CELF2: variants seen among roughly 807,000 people sequenced by gnomAD.
CELF2 encodes CUG triplet repeat RNA-binding protein 2.
CELF2 carries 8 observed loss-of-function variants against 62.6 expected under a neutral mutation model. The ratio of observed to expected loss-of-function variants is 0.13; its 90% CI spans 0.07 to 0.23. The LOEUF (loss-of-function observed/expected upper bound fraction) is 0.23. Among genes scored for constraint, CELF2 ranks in the 10% least tolerant of loss-of-function variants. The pLI, the probability that CELF2 is intolerant of heterozygous loss-of-function variation, is 1.00. For missense variants in CELF2, 333 were observed against 671.0 expected (o/e 0.50, Z 5.56); for synonymous variants, 258 against 250.0 (o/e 1.03, Z -0.30).
At chr10:10,771,694 A>G in the CELF2 span, among the ~76,000 whole-genome samples, 1 of 152,198 alleles carries the variant, frequency 6.6e-6, no homozygotes. Flanking sequence ...TGCCATCCAC[A>G]TAAGAAGGGA....
chr10:10,714,962 T>C, the CELF2 span, among the ~76,000 whole-genome samples: 2 of 152,148 alleles, frequency 1.3e-5, no homozygotes, highest in East Asian at 3.9e-4. Flanking sequence ...CATCGCAGGG[T>C]GACTTTATTA....
chr10:11,280,865 C>A lies in CELF2; in HGVS notation c.841+5745C>A, dbSNP rs1239743195. ...CTGAAGGGCTGCTCTCTAGGGCTTCCTGGCGCCAGCCTCCACTGGGTCCTT... is the reference window on the plus strand; with the variant it reads ...CTGAAGGGCTGCTCTCTAGGGCTTCATGGCGCCAGCCTCCACTGGGTCCTT... On this transcript the variant is annotated intron_variant, in intron 8 of 12. Coordinates refer to ENST00000633077, the MANE Select transcript of CELF2 (RefSeq NM_001326342.2). This position sits in a 1 kb window ranked among gnomAD's most constrained non-coding sequence, Gnocchi z 7.6. 6.6e-6 allele frequency among the ~76,000 whole-genome samples: 1 copy of A among 152,174 alleles called. No individual in the cohort carries two copies. The highest frequency in any genetic ancestry group is 2.4e-5 in the African/African-American group (1 of 41,438).
the CELF2 span, among the ~76,000 whole-genome samples, chr10:10,547,692 A>AGAGAGAGAGTGTGTGT: frequency 4.3e-5 from 6 of 138,112 alleles, no homozygotes; most frequent in African/African-American, 1.1e-4. Context: ...AGAGAGAGAG[A>AGAGAGAGAGTGTGTGT]GTGTGTGTGT....
At chr10:10,503,392 T>C in the CELF2 span, among the ~76,000 whole-genome samples, 190 of 152,090 alleles carry the variant, frequency 1.2e-3, no homozygotes, top group Middle Eastern at 0.02. Context: ...GCTTCACATA[T>C]TTTGCAACCC....
Position 11,199,911 on chromosome 10 carries a change from C to A in CELF2, c.272-17514C>A, listed in dbSNP as rs115596431. Among the ~76,000 whole-genome samples, 1,278 of 152,214 alleles carry A rather than the reference C, an allele frequency of 8.4e-3. 10 individuals are homozygous for A. The highest frequency in any genetic ancestry group is 0.029 in the African/African-American group (1,214 of 41,538). On this transcript the variant is annotated intron_variant, in intron 2 of 12. Coordinates refer to ENST00000633077, the MANE Select transcript of CELF2 (RefSeq NM_001326342.2). ...TAATTGGATGGCCTGAATTTCTCAC[C>A]CGGGAGTTTTCCAGAGCAGTTAACA...
the CELF2 span, among the ~76,000 whole-genome samples, chr10:10,527,766 C>T: frequency 6.6e-6 from 1 of 152,206 alleles, no homozygotes; most frequent in Non-Finnish European, 1.5e-5. Flanking sequence ...AGTTGTTCTC[C>T]TCTGGGGCTT....
At chr10:10,896,377 G>A (rs1373513455) in intron 1 of CELF2, among the ~76,000 whole-genome samples, 1 of 151,976 alleles carries the variant, frequency 6.6e-6, no homozygotes, top group Non-Finnish European at 1.5e-5. Flanking sequence ...AAAAAGGAAA[G>A]GATAAAAAAA....
the CELF2 span, among the ~76,000 whole-genome samples, chr10:10,714,282 C>A: frequency 6.6e-6 from 1 of 152,102 alleles, no homozygotes; most frequent in African/African-American, 2.4e-5. Flanking sequence ...ATTGCATGGT[C>A]GTTGCCAACA....
the CELF2 span, among the ~76,000 whole-genome samples, chr10:10,487,004 C>T: frequency 6.6e-6 from 1 of 152,106 alleles, no homozygotes; most frequent in East Asian, 1.9e-4. Flanking sequence ...CCCTGTCCAT[C>T]GTATATGCCT....
At chr10:10,504,080 G>T in the CELF2 span, among the ~76,000 whole-genome samples, 9 of 152,050 alleles carry the variant, frequency 5.9e-5, no homozygotes, top group East Asian at 1.7e-3. Flanking sequence ...TATACATTTA[G>T]ATACACATAA....
intron 1 of CELF2, among the ~76,000 whole-genome samples, chr10:10,832,113 C>G (rs1377794185): frequency 6.6e-6 from 1 of 151,360 alleles, no homozygotes; most frequent in Non-Finnish European, 1.5e-5. Context: ...ACTAAAAATA[C>G]AAAAATTAGC....
the CELF2 span, among the ~76,000 whole-genome samples, chr10:10,694,924 T>A: frequency 6.6e-6 from 1 of 151,038 alleles, no homozygotes; most frequent in Non-Finnish European, 1.5e-5. Context: ...ATGAGATGGG[T>A]TTCCTGAATA....
chr10:10,696,111 T>C, the CELF2 span, among the ~76,000 whole-genome samples: 1 of 152,100 alleles, frequency 6.6e-6, no homozygotes. Flanking sequence ...AGTTTTTCTG[T>C]TCTGTTTTTT....
chr10:10,683,093 G>A, the CELF2 span, among the ~76,000 whole-genome samples: 1 of 152,110 alleles, frequency 6.6e-6, no homozygotes, highest in Non-Finnish European at 1.5e-5. Flanking sequence ...TAATTAATTT[G>A]CCCTCTTAAA....
chr10:10,986,622 A>G (rs2052783395), intron 2 of CELF2, among the ~76,000 whole-genome samples: 1 of 152,240 alleles, frequency 6.6e-6, no homozygotes, highest in African/African-American at 2.4e-5. Context: ...ATACAGTTCC[A>G]TTCATGTGAC....
rs2063635429 is a variant in CELF2, at chr10:11,217,419, CT to C, written c.272-5del. The C allele has an allele frequency of 6.2e-7, 1 of 1,606,334 alleles. No individual in the cohort carries two copies. The highest frequency in any genetic ancestry group is 1.3e-5 in the African/African-American group (1 of 74,748). On this transcript the variant is annotated splice_polypyrimidine_tract_variant and splice_region_variant and intron_variant, in intron 2 of 12. Transcript: ENST00000633077. This position sits in a 1 kb window ranked among gnomAD's most constrained non-coding sequence, Gnocchi z 5.6. Reference sequence around the variant, plus strand: ...ATTTCTAAAACCTTTTCATTTCTCTCTGTAGGTTGTTGTTTCGTAACATTTT... The same window carrying C: ...ATTTCTAAAACCTTTTCATTTCTCTCGTAGGTTGTTGTTTCGTAACATTTT...
At chr10:10,641,397 T>G in the CELF2 span, among the ~76,000 whole-genome samples, 1 of 152,158 alleles carries the variant, frequency 6.6e-6, no homozygotes. Flanking sequence ...TAAGTATTGT[T>G]TTTCTTCCCC....
chr10:10,543,610 G>T, the CELF2 span, among the ~76,000 whole-genome samples: 2 of 152,196 alleles, frequency 1.3e-5, no homozygotes, highest in Non-Finnish European at 2.9e-5. Context: ...ACTTTGGGAG[G>T]TCAAGGTGGG....
the CELF2 span, among the ~76,000 whole-genome samples, chr10:10,492,436 T>A: frequency 7.3e-4 from 110 of 151,540 alleles, no homozygotes; most frequent in South Asian, 0.022. Context: ...GTTGTGCACA[T>A]GTACCCTAGA....
Sources: allele counts gnomAD v4.1 joint callset (sites outside exome capture counted in the v4.1 genomes callset), GRCh38; gene constraint gnomAD v4.1.1; non-coding constraint Gnocchi (gnomAD v3.1); transcripts MANE v1.5; gene names NCBI Gene and HGNC (gene_info 2026-07-23, HGNC 2026-07-21).